Variants in EPHA5 observed in about 807,000 individuals in gnomAD.
EPHA5 encodes ephrin type-A receptor 5.
EPHA5 carries 60 observed loss-of-function variants against 105.0 expected under a neutral mutation model. The ratio of observed to expected loss-of-function variants is 0.57; its 90% CI spans 0.46 to 0.71. EPHA5 has a LOEUF of 0.71. Ranked by LOEUF, EPHA5 falls within the 30% of genes least tolerant of loss-of-function variation. EPHA5 has a pLI of 0.00. For synonymous variants in EPHA5, 513 were observed against 449.1 expected, an observed-to-expected ratio of 1.14 and a Z score of -1.80; for missense variants, 1,218 against 1,274.7, an observed-to-expected ratio of 0.96 and a Z score of 0.68.
chr4:65,482,085 G>A (rs573820736), intron 5 of EPHA5, among the ~76,000 whole-genome samples: 1 of 152,078 alleles, frequency 6.6e-6, no homozygotes, highest in Non-Finnish European at 1.5e-5. Flanking sequence ...ATCACCTGAG[G>A]TCAGGAGTTT....
Position 65,454,865 on chromosome 4 carries a change from A to C in EPHA5, c.1403-34300T>G, listed in dbSNP as rs1173739240. 2.0e-5 allele frequency among the ~76,000 whole-genome samples: 3 copies of C among 152,200 alleles called. No individual in the cohort carries two copies. The East Asian group carries it at 5.8e-4, about 29-fold the overall frequency. On this transcript the variant is annotated intron_variant, in intron 5 of 16. Coordinates refer to ENST00000613740, the MANE Select transcript of EPHA5 (RefSeq NM_001281766.3). Reference sequence around the variant, plus strand: ...GCCTTTTGGGAATTAACTTATTTTTAAGTAGAGAGATGCCTATGTTAGTCC... The same window carrying C: ...GCCTTTTGGGAATTAACTTATTTTTCAGTAGAGAGATGCCTATGTTAGTCC...
chr4:65,555,489 A>G (rs1738339120), intron 3 of EPHA5, among the ~76,000 whole-genome samples: 2 of 151,820 alleles, frequency 1.3e-5, no homozygotes, highest in South Asian at 4.1e-4. Flanking sequence ...TGTACTGCAA[A>G]CACCCATGAC....
At chr4:65,521,539 T>A (rs7700183) in intron 3 of EPHA5, among the ~76,000 whole-genome samples, 114,276 of 151,942 alleles carry the variant, frequency 0.75, 43,113 homozygotes, top group East Asian at 0.87. Context: ...AAAGCAAAGG[T>A]TAAAATCTGT....
intron 14 of EPHA5, among the ~76,000 whole-genome samples, chr4:65,344,754 T>A (rs1722054950): frequency 6.6e-6 from 1 of 152,192 alleles, no homozygotes; most frequent in African/African-American, 2.4e-5. Context: ...TTGGCATTTA[T>A]CTGAAGAATA....
chr4:65,518,268 T>C (rs1348860848), intron 3 of EPHA5, among the ~76,000 whole-genome samples: 2 of 152,034 alleles, frequency 1.3e-5, no homozygotes, highest in African/African-American at 4.8e-5. Flanking sequence ...TTTTCTTTAT[T>C]ATCTCTTTCT....
chr4:65,345,919 C>T lies in EPHA5; in HGVS notation c.2595+2135G>A, dbSNP rs1722175816. Among the ~76,000 whole-genome samples the T allele has an allele frequency of 3.3e-5, 5 of 151,954 alleles. No homozygotes were observed. The South Asian group carries it at 1.0e-3, about 32-fold the overall frequency. On this transcript the variant is annotated intron_variant, in intron 14 of 16. Transcript: ENST00000613740. ...TCTCGAGTAGCTGGGACTACAGGCG[C>T]CCGCCACCACGCCCGGCTAATTTTT... is the stretch of plus-strand genomic sequence containing the variant.
intron 5 of EPHA5, among the ~76,000 whole-genome samples, chr4:65,443,213 T>C (rs1035027169): frequency 2.0e-5 from 3 of 151,926 alleles, no homozygotes; most frequent in Non-Finnish European, 4.4e-5. Context: ...ATGTTTCTGC[T>C]TTTCATTACT....
chr4:65,611,524 CAAAA>C (rs5858974), intron 2 of EPHA5, among the ~76,000 whole-genome samples: 10 of 117,858 alleles, frequency 8.5e-5, no homozygotes, highest in East Asian at 2.6e-4. Context: ...GTTGTTCTGG[CAAAA>C]AAAAAAAAAA....
intron 3 of EPHA5, among the ~76,000 whole-genome samples, chr4:65,534,224 AATTTT>A (rs1736087389): frequency 6.6e-6 from 1 of 152,148 alleles, no homozygotes; most frequent in African/African-American, 2.4e-5. Flanking sequence ...TTGAAAATTA[AATTTT>A]ATTTACACTT....
At chr4:65,371,284 G>A (rs1256760747) in intron 8 of EPHA5, among the ~76,000 whole-genome samples, 1 of 151,946 alleles carries the variant, frequency 6.6e-6, no homozygotes, top group Non-Finnish European at 1.5e-5. Context: ...ATGGGCAGGA[G>A]AAATTATTCA....
At chr4:65,346,063 C>T (rs774528315) in intron 14 of EPHA5, among the ~76,000 whole-genome samples, 15 of 147,242 alleles carry the variant, frequency 1.0e-4, no homozygotes, top group Non-Finnish European at 1.9e-4. Context: ...GCGGCCAGCC[C>T]GTGCCTCTTC....
At chr4:65,364,625 G>T (rs909635741) in intron 11 of EPHA5, among the ~76,000 whole-genome samples, 17 of 151,558 alleles carry the variant, frequency 1.1e-4, no homozygotes, top group African/African-American at 4.1e-4. Flanking sequence ...TGCTTAAAAG[G>T]TGGCATTGCT....
At chr4:65,561,744 G>A (rs1234991795) in intron 3 of EPHA5, among the ~76,000 whole-genome samples, 2 of 152,060 alleles carry the variant, frequency 1.3e-5, no homozygotes, top group African/African-American at 4.8e-5. Context: ...TTGATCTGTG[G>A]TATATTTCTT....
chr4:65,473,149 C>A (rs773488294), intron 5 of EPHA5, among the ~76,000 whole-genome samples: 1 of 152,168 alleles, frequency 6.6e-6, no homozygotes, highest in Non-Finnish European at 1.5e-5. Flanking sequence ...CCACCTCATA[C>A]TGGACTTCAT....
intron 8 of EPHA5, among the ~76,000 whole-genome samples, chr4:65,380,701 CT>C (rs1362216158): frequency 6.6e-6 from 1 of 151,692 alleles, no homozygotes; most frequent in Non-Finnish European, 1.5e-5. Context: ...AACTAAAAGG[CT>C]GCATAATTTT....
chr4:65,460,987 TA>T (rs1560561572), intron 5 of EPHA5, among the ~76,000 whole-genome samples: 1 of 151,900 alleles, frequency 6.6e-6, no homozygotes, highest in Non-Finnish European at 1.5e-5. Context: ...GTATGTGTGA[TA>T]AAATAACCAT....
chr4:65,620,790 G>T (rs1745642766), intron 2 of EPHA5, among the ~76,000 whole-genome samples: 1 of 152,128 alleles, frequency 6.6e-6, no homozygotes. Context: ...CAAAGAAAAT[G>T]GAAAGAAATG....
chr4:65,522,743 C>A (rs1435182548), intron 3 of EPHA5, among the ~76,000 whole-genome samples: 1 of 151,990 alleles, frequency 6.6e-6, no homozygotes, highest in African/African-American at 2.4e-5. Context: ...TCGTCATCTA[C>A]TCGGAAGGCT....
intron 11 of EPHA5, among the ~76,000 whole-genome samples, chr4:65,358,235 C>T (rs77956016): frequency 0.013 from 1,911 of 151,548 alleles, 44 homozygotes; most frequent in African/African-American, 0.044. Context: ...TACCATCTGC[C>T]TTTCCCAAAC....
Sources: allele counts gnomAD v4.1 joint callset (sites outside exome capture counted in the v4.1 genomes callset), GRCh38; gene constraint gnomAD v4.1.1; transcripts MANE v1.5; gene names NCBI Gene and HGNC (gene_info 2026-07-23, HGNC 2026-07-21).